Variants in PPP1R3F observed in about 807,000 individuals in gnomAD.
PPP1R3F encodes protein phosphatase 1, regulatory (inhibitor) subunit 3F.
A neutral mutation model predicts 24.2 loss-of-function variants in PPP1R3F; 29 were observed. The ratio of observed to expected loss-of-function variants is 1.20; its 90% CI spans 0.89 to 1.63. The LOEUF (loss-of-function observed/expected upper bound fraction) is 1.63, where lower values mean the gene tolerates loss of function less well. Ranked by LOEUF, PPP1R3F falls within the 40% of genes most tolerant of loss-of-function variation. PPP1R3F has a pLI of 0.00. For synonymous variants in PPP1R3F, 363 were observed against 340.1 expected (o/e 1.07, Z -0.74); for missense variants, 823 against 729.3 (o/e 1.13, Z -1.48).
intron 3 of PPP1R3F, among the ~76,000 whole-genome samples, chrX:49,299,329 C>T (rs2066331265): frequency 8.9e-6 from 1 of 112,269 alleles, no homozygotes; most frequent in African/African-American, 3.2e-5. Flanking sequence ...CTGGGTATCA[C>T]CAGCAGAGGC....
rs782739897 is a variant in PPP1R3F, at chrX:49,275,169, T to A, written c.1004+4296T>A. 4 of 111,502 alleles carry A rather than the reference T, an allele frequency of 3.6e-5. No individual in the cohort carries two copies. In the East Asian group the frequency reaches 1.1e-3, roughly 31 times the overall value. The allele number at this position is 111,502 out of a possible 1,213,427, so 9.2% of individuals were successfully genotyped here. On this transcript the variant is annotated intron_variant, in intron 1 of 3. Transcript: ENST00000055335. Reference sequence around the variant, plus strand: ...GCCTGTACTTGCCTTCTGCACTTGCTCACCCCCGTAAGTGTTAGCCCCCGG... The same window carrying A: ...GCCTGTACTTGCCTTCTGCACTTGCACACCCCCGTAAGTGTTAGCCCCCGG...
In PPP1R3F at chrX:49,287,202, TCC is replaced by T; in HGVS notation, c.*115_*116del. 1 of 764,983 alleles carries T rather than the reference TCC, an allele frequency of 1.3e-6. No individual in the cohort carries two copies. Among genetic ancestry groups the T allele is most frequent in the Non-Finnish European group, 1.9e-6 (1 of 535,870 alleles). The allele number at this position is 764,983 out of a possible 1,213,427, so 63.0% of individuals were successfully genotyped here. ...CTCAACTGAAAGAGAGGCCTTCTCA[TCC>T]CCAAGCTCTCCAGTCAACACAGGGC... On this transcript the variant is annotated 3_prime_UTR_variant, in exon 4 of 4. Coordinates refer to ENST00000055335, the MANE Select transcript of PPP1R3F (RefSeq NM_033215.5).
intron 1 of PPP1R3F, among the ~76,000 whole-genome samples, chrX:49,271,877 C>G (rs1252899231): frequency 8.9e-6 from 1 of 112,045 alleles, no homozygotes; most frequent in African/African-American, 3.2e-5. Flanking sequence ...GAGAAATAAT[C>G]AGTTATACCC....
chrX:49,300,292 G>A (rs1469690808), intron 3 of PPP1R3F, among the ~76,000 whole-genome samples: 2 of 109,891 alleles, frequency 1.8e-5, no homozygotes, highest in African/African-American at 3.3e-5. Flanking sequence ...CTGCTTCCCC[G>A]GTAAGGCAGT....
chrX:49,270,408 A>C lies in PPP1R3F; in HGVS notation c.539A>C (p.His180Pro). 8.5e-7 allele frequency: 1 copy of C among 1,178,387 alleles called. No homozygotes were observed. Among genetic ancestry groups the C allele is most frequent in the Non-Finnish European group, 1.1e-6 (1 of 884,600 alleles). The change falls in exon 1 of 4, where the codon CAC becomes CCC. Residue 180 changes from histidine (H) to proline (P), a missense_variant. Physicochemically the swap from His to Pro is moderately conservative, Grantham distance 77. Transcript: ENST00000055335. ...VLNRSFEKAV[H>P]VRASHDGWAS... ...AACCGCTCCTTCGAGAAGGCGGTGCACGTGCGGGCCTCACACGACGGCTGG... is the reference window on the plus strand; with the variant it reads ...AACCGCTCCTTCGAGAAGGCGGTGCCCGTGCGGGCCTCACACGACGGCTGG...
intron 3 of PPP1R3F, among the ~76,000 whole-genome samples, chrX:49,282,557 A>C (rs1186312462): frequency 9.4e-6 from 1 of 105,843 alleles, no homozygotes; most frequent in Non-Finnish European, 1.9e-5. Context: ...GTGATTAGTG[A>C]GATCTGAGCG....
chrX:49,286,007 G>A lies in PPP1R3F; in HGVS notation c.1317G>A (p.Ala439=). 1 of 1,183,154 alleles carries A rather than the reference G, an allele frequency of 8.5e-7. No individual in the cohort carries two copies. The highest frequency in any genetic ancestry group is 2.3e-5 in the Admixed American group (1 of 42,982). The change falls in exon 4 of 4, where the codon GCG becomes GCA. Residue 439 remains alanine, a synonymous_variant. Coordinates refer to ENST00000055335, the MANE Select transcript of PPP1R3F (RefSeq NM_033215.5). ...SPRDQASGPD[A]SEGATGPFLE... ...GAGACCAGGCCTCAGGGCCCGATGC[G>A]AGCGAGGGGGCCACCGGGCCTTTCC...
downstream of PPP1R3F, among the ~76,000 whole-genome samples, chrX:49,291,336 CCTTTCTTTCTTGACGGAG>C (rs2066308560): frequency 2.3e-5 from 2 of 86,297 alleles, no homozygotes; most frequent in African/African-American, 7.8e-5. Context: ...CTGTCTCTCT[CCTTTCTTTCTTGACGGAG>C]TCTCGCTCTT....
rs898853444 is a variant in PPP1R3F at position 49,277,163 on chromosome X, G to T, written c.1005-4243G>T. On this transcript the variant is annotated intron_variant, in intron 1 of 3. Transcript: ENST00000055335. The stretch of plus-strand genomic sequence containing the variant: ...CAGCCCTCACCCGCTCGCTTACTCT[G>T]TGACTGGCGAATCACCTTTCTTGGC... Among the ~76,000 whole-genome samples, 4 of 113,016 alleles carry T rather than the reference G, an allele frequency of 3.5e-5. No homozygotes were observed. The East Asian group carries it at 1.1e-3, about 31-fold the overall frequency.
At position 49,269,794 on chromosome X, in the gene PPP1R3F, T is replaced by G; in HGVS notation, c.-76T>G. On this transcript the variant is annotated 5_prime_UTR_variant, in exon 1 of 4. Transcript: ENST00000055335. ...GTACCCCTCCGCGCTGGCCTTCCCA[T>G]TGGCTGCCCGCCCCTTCAGGCCCTG... The G allele has an allele frequency of 3.1e-6, 2 of 639,342 alleles. No individual in the cohort carries two copies. The highest frequency in any genetic ancestry group is 4.0e-6 in the Non-Finnish European group (2 of 505,982). 52.7% of individuals were successfully genotyped at this position (639,342 alleles called of 1,213,427 possible). A position where few individuals can be genotyped will look rare whatever the true frequency, so the allele number is the denominator to read the frequency against.
intron 1 of PPP1R3F, among the ~76,000 whole-genome samples, chrX:49,276,755 G>A (rs1330673947): frequency 8.9e-6 from 1 of 111,868 alleles, no homozygotes; most frequent in African/African-American, 3.3e-5. Flanking sequence ...TGGATCACCC[G>A]CAAGTCCCAG....
intron 1 of PPP1R3F, 48 bp from the exon 2 acceptor site, chrX:49,281,358 C>T (rs782419722): frequency 9.4e-7 from 1 of 1,064,058 alleles, no homozygotes; most frequent in East Asian, 3.1e-5. Context: ...GCAGAAGTGA[C>T]CTCTCAGGGT....
At chrX:49,280,562 T>TTTTTTTTTTTTTTA (rs1569530703) in intron 1 of PPP1R3F, among the ~76,000 whole-genome samples, 1 of 100,100 alleles carries the variant, frequency 1.0e-5, no homozygotes, top group Admixed American at 1.1e-4. Context: ...TTTTTTTTTT[T>TTTTTTTTTTTTTTA]GAGACTGAGT....
At chrX:49,276,929 C>G (rs1440838431) in intron 1 of PPP1R3F, among the ~76,000 whole-genome samples, 2 of 112,382 alleles carry the variant, frequency 1.8e-5, no homozygotes, top group African/African-American at 6.5e-5. Context: ...CTCATCCCCC[C>G]GGAAAGTCAG....
intron 1 of PPP1R3F, among the ~76,000 whole-genome samples, chrX:49,277,410 C>T (rs1378460007): frequency 8.9e-6 from 1 of 112,687 alleles, no homozygotes; most frequent in Non-Finnish European, 1.9e-5. Flanking sequence ...CAAGATTTTC[C>T]AGATCTGTGT....
chrX:49,286,832 C>T lies in PPP1R3F; in HGVS notation c.2142C>T (p.Val714=), dbSNP rs1557121715. Residue 714 remains valine, a synonymous_variant, in exon 4 of 4, where the codon GTC becomes GTT. Transcript: ENST00000055335. ...TCCTCAGTCCCTTGGGGGCCGAAGT[C>T]TGTCTCTCTAGTGTAGCCAGGCCTC... is the stretch of plus-strand genomic sequence containing the variant. ...PTLLSPLGAE[V]CLSSVARPHV... 2.5e-6 allele frequency: 3 copies of T among 1,199,066 alleles called. No homozygotes were observed. The highest frequency in any genetic ancestry group is 2.3e-6 in the Non-Finnish European group (2 of 888,759).
Position 49,270,792 on chromosome X carries a change from T to G in PPP1R3F, c.923T>G (p.Leu308Arg). The change falls in exon 1 of 4, where the codon CTG (leucine) becomes CGG (arginine). Residue 308 changes from leucine to arginine, a missense_variant. Physicochemically the swap from Leu to Arg is moderately radical, Grantham distance 102 (BLOSUM62 -2). Transcript: ENST00000055335. ...GLPQQQQLPQ[L>R]EPQPECQGPV... is the part of the protein sequence containing the mutation. ...CCCCAGCAGCAGCAGCTGCCGCAGCTGGAGCCACAGCCCGAGTGCCAGGGT... is the reference window on the plus strand; with the variant it reads ...CCCCAGCAGCAGCAGCTGCCGCAGCGGGAGCCACAGCCCGAGTGCCAGGGT... The G allele has an allele frequency of 8.4e-7, 1 of 1,194,189 alleles. No homozygotes were observed. The highest frequency in any genetic ancestry group is 1.1e-6 in the Non-Finnish European group (1 of 886,743).
chrX:49,274,581 G>C (rs1006918763), intron 1 of PPP1R3F: 1 of 112,132 alleles, frequency 8.9e-6, no homozygotes, highest in Admixed American at 9.4e-5. Flanking sequence ...CAGTGTCCTC[G>C]GGCCCCTGGC....
rs73498100 is a variant in PPP1R3F, at chrX:49,270,933, C to T, written c.1004+60C>T. 0.015 allele frequency: 16,198 copies of T among 1,082,259 alleles called. 1,406 individuals carry two copies. The African/African-American group carries it at 0.26, about 17-fold the overall frequency. 89.2% of individuals were successfully genotyped at this position (1,082,259 alleles called of 1,213,427 possible). A position where few individuals can be genotyped will look rare whatever the true frequency, so the allele number is the denominator to read the frequency against. ...GGCTGTGTCTGGGATGGAGGACAAG[C>T]ATTCCGGCCCAGGAACCCCTCAGGC... On this transcript the variant is annotated intron_variant, in intron 1 of 3. Coordinates refer to ENST00000055335, the MANE Select transcript of PPP1R3F (RefSeq NM_033215.5).
Sources: gnomAD v4.1 joint callset for allele counts (sites outside exome capture counted in the v4.1 genomes callset) on GRCh38, gnomAD v4.1.1 for gene constraint, MANE v1.5 for transcripts, NCBI Gene and HGNC (gene_info 2026-07-23, HGNC 2026-07-21) for gene names.